The following TLK1 variants were observed in gnomAD, a reference collection of about 807,000 sequenced individuals.
The protein encoded by TLK1 is tousled like kinase 1, also known as serine/threonine-protein kinase tousled-like 1.
Under a neutral mutation model 105.3 loss-of-function variants are expected in TLK1, and 24 were observed. The observed-to-expected ratio is 0.23, with a 90% CI of 0.17 to 0.32. The LOEUF is 0.32. Among genes scored for constraint, TLK1 ranks in the 10% least tolerant of loss-of-function variants. The pLI is 1.00. For missense variants in TLK1, 558 were observed against 910.5 expected (o/e 0.61, Z 4.98); for synonymous variants, 321 against 310.4 (o/e 1.03, Z -0.36).
At chr2:171,191,564 C>T (rs1265670565) in intron 1 of TLK1, among the ~76,000 whole-genome samples, 1 of 152,114 alleles carries the variant, frequency 6.6e-6, no homozygotes, top group Non-Finnish European at 1.5e-5. Flanking sequence ...TTCTCCTGAG[C>T]CACACCCTGA....
At chr2:170,995,457 G>A (rs1216524101) in intron 20 of TLK1, among the ~76,000 whole-genome samples, 4 of 152,018 alleles carry the variant, frequency 2.6e-5, no homozygotes, top group Admixed American at 2.6e-4. Context: ...CCTATTAAGA[G>A]CCTAAGGAGA....
At chr2:171,024,988 T>C (rs943828608) in intron 12 of TLK1, among the ~76,000 whole-genome samples, 2 of 152,180 alleles carry the variant, frequency 1.3e-5, no homozygotes, top group African/African-American at 4.8e-5. Flanking sequence ...CTGCTGTGAT[T>C]TTCCTAATCT....
intron 5 of TLK1, among the ~76,000 whole-genome samples, chr2:171,057,237 G>C (rs895517061): frequency 6.6e-6 from 1 of 151,984 alleles, no homozygotes; most frequent in Non-Finnish European, 1.5e-5. Context: ...GTTCCTCTGG[G>C]GGTGTAGATT....
intron 2 of TLK1, among the ~76,000 whole-genome samples, chr2:171,111,963 G>GT (rs1306841409): frequency 7.2e-6 from 1 of 138,304 alleles, no homozygotes; most frequent in Non-Finnish European, 1.6e-5. Context: ...GTTTGTTTTT[G>GT]GTTTTTTTGA....
chr2:171,166,001 G>A (rs1005539529), intron 1 of TLK1, among the ~76,000 whole-genome samples: 2 of 151,816 alleles, frequency 1.3e-5, no homozygotes, highest in Non-Finnish European at 2.9e-5. Flanking sequence ...ATAATGTCCT[G>A]GGAGAAGATT....
chr2:171,162,524 C>T (rs894256264), upstream of TLK1, among the ~76,000 whole-genome samples: 2 of 152,092 alleles, frequency 1.3e-5, no homozygotes, highest in Non-Finnish European at 2.9e-5. Context: ...GGCGACAGAG[C>T]GAGACTCCTA....
chr2:171,086,964 A>C (rs553762102), intron 2 of TLK1, among the ~76,000 whole-genome samples: 1 of 152,182 alleles, frequency 6.6e-6, no homozygotes, highest in Non-Finnish European at 1.5e-5. Context: ...AGCAGCCTAG[A>C]TAAGACTAAA....
At chr2:171,054,893 T>C (rs910199315) in intron 7 of TLK1, 190 bp downstream of exon 7, 3 of 371,814 alleles carry the variant, frequency 8.1e-6, no homozygotes, top group Admixed American at 4.7e-5. Context: ...AAAAAGCTGA[T>C]AGTAAATTGT....
rs188088677 is a variant in TLK1 at position 171,110,868 on chromosome 2, T to C, written c.258+6871A>G. 3.1e-3 allele frequency among the ~76,000 whole-genome samples: 465 copies of C among 152,314 alleles called. 4 individuals are homozygous for C. The highest frequency in any genetic ancestry group is 0.011 in the African/African-American group (437 of 41,568). Reference sequence around the variant, plus strand: ...AAAGGGTAATTTTACTAACTGATAATTATACCTTAATAAAAACCATGGGGA... The same window carrying C: ...AAAGGGTAATTTTACTAACTGATAACTATACCTTAATAAAAACCATGGGGA... On this transcript the variant is annotated intron_variant, in intron 2 of 20. Coordinates refer to ENST00000431350, the MANE Select transcript of TLK1 (RefSeq NM_012290.5).
chr2:171,065,626 C>T (rs1213617124), intron 3 of TLK1, among the ~76,000 whole-genome samples: 1 of 152,004 alleles, frequency 6.6e-6, no homozygotes, highest in African/African-American at 2.4e-5. Context: ...CAAGCTCTGC[C>T]TCCTGGGTTC....
chr2:171,106,639 G>A (rs1161366115), intron 2 of TLK1, among the ~76,000 whole-genome samples: 3 of 152,054 alleles, frequency 2.0e-5, no homozygotes, highest in African/African-American at 4.8e-5. Context: ...GACCCTCTCT[G>A]CTAGAGCACC....
At chr2:171,193,741 G>C (rs1464958427) in intron 1 of TLK1, among the ~76,000 whole-genome samples, 9 of 101,974 alleles carry the variant, frequency 8.8e-5, no homozygotes, top group Non-Finnish European at 1.6e-4. Context: ...TTGAGACAGG[G>C]TTTCTCTCTT....
intron 18 of TLK1, 101 bp downstream of exon 18, chr2:171,006,046 A>C: frequency 8.2e-7 from 1 of 1,226,316 alleles, no homozygotes; most frequent in East Asian, 2.5e-5. Flanking sequence ...TTACCACAGT[A>C]ATCTTAATGG....
At chr2:171,051,820 C>A (rs1476979876) in intron 8 of TLK1, among the ~76,000 whole-genome samples, 1 of 152,090 alleles carries the variant, frequency 6.6e-6, no homozygotes, top group Non-Finnish European at 1.5e-5. Flanking sequence ...CACCTGTATA[C>A]TGGAAACAAG....
rs767841297 is a variant in TLK1, at chr2:171,227,124, T to C, written c.-6+4021A>G. 1.8e-4 allele frequency among the ~76,000 whole-genome samples: 27 copies of C among 152,184 alleles called. 1 individual carries two copies. Among genetic ancestry groups the C allele is most frequent in the African/African-American group, 4.8e-5 (2 of 41,440 alleles). On this transcript the variant is annotated intron_variant, in intron 1 of 20. Transcript: ENST00000521943. ...CATACCATTCCCACCCTCTTTCTAT[T>C]GGTAAAAGTGTCCCAATCAAGCTTT...
chr2:171,146,792 C>T (rs1691808972), intron 1 of TLK1, among the ~76,000 whole-genome samples: 1 of 152,132 alleles, frequency 6.6e-6, no homozygotes. Context: ...TCCTTCCTTC[C>T]CACTTCTCCT....
At chr2:171,000,453 A>G (rs866913114) in intron 18 of TLK1, among the ~76,000 whole-genome samples, 14 of 151,970 alleles carry the variant, frequency 9.2e-5, no homozygotes, top group African/African-American at 2.4e-4. Flanking sequence ...GATAACATGA[A>G]CAGTTAATTA....
chr2:171,207,815 C>T (rs1033054259), intron 1 of TLK1, among the ~76,000 whole-genome samples: 4 of 152,126 alleles, frequency 2.6e-5, no homozygotes, highest in Non-Finnish European at 5.9e-5. Context: ...CCACCTCCCA[C>T]GTCCAAGTGA....
chr2:171,128,985 T>C (rs1419710917), intron 1 of TLK1, among the ~76,000 whole-genome samples: 2 of 152,062 alleles, frequency 1.3e-5, no homozygotes, highest in African/African-American at 4.8e-5. Flanking sequence ...TGTGTGTGTA[T>C]GTGTGTGTGC....
Sources: gnomAD v4.1 joint callset for allele counts (sites outside exome capture counted in the v4.1 genomes callset) on GRCh38, gnomAD v4.1.1 for gene constraint, MANE v1.5 for transcripts, NCBI Gene and HGNC (gene_info 2026-07-23, HGNC 2026-07-21) for gene names.